Variants in SKIC3 observed in about 807,000 individuals in gnomAD.
The protein encoded by SKIC3 is superkiller complex protein 3.
chr5:95,498,036 G>A, the SKIC3 span, among the ~76,000 whole-genome samples: 1 of 151,972 alleles, frequency 6.6e-6, no homozygotes, highest in Admixed American at 6.6e-5. Flanking sequence ...TCTTTAAACG[G>A]CTGAAAATTA....
chr5:95,541,703 A>G, the SKIC3 span: 2,788 of 803,034 alleles, frequency 3.5e-3, 61 homozygotes, highest in African/African-American at 0.04. Flanking sequence ...TTGAAAAAAA[A>G]AAAAAGCTTC....
the SKIC3 span, chr5:95,529,158 C>T: frequency 5.6e-6 from 8 of 1,440,112 alleles, no homozygotes; most frequent in Admixed American, 3.4e-5. Flanking sequence ...CATAGATGAA[C>T]AGCACCAATG....
At chr5:95,542,273 A>G in the SKIC3 span, among the ~76,000 whole-genome samples, 1 of 152,152 alleles carries the variant, frequency 6.6e-6, no homozygotes, top group Non-Finnish European at 1.5e-5. Flanking sequence ...CATGTGATCT[A>G]AAGTATTTTA....
the SKIC3 span, chr5:95,523,811 C>A: frequency 6.2e-7 from 1 of 1,613,292 alleles, no homozygotes; most frequent in Non-Finnish European, 8.5e-7. Context: ...AAACTTTGCC[C>A]ATATATGTAT....
the SKIC3 span, chr5:95,523,730 T>A: frequency 6.2e-7 from 1 of 1,613,750 alleles, no homozygotes; most frequent in Non-Finnish European, 8.5e-7. Context: ...ATTCAAAGGC[T>A]TTCCTATAAC....
chr5:95,535,961 G>C, the SKIC3 span, among the ~76,000 whole-genome samples: 1 of 152,050 alleles, frequency 6.6e-6, no homozygotes, highest in Non-Finnish European at 1.5e-5. Context: ...CACCTCAAGA[G>C]AGTAGGGCAT....
the SKIC3 span, among the ~76,000 whole-genome samples, chr5:95,479,730 T>G: frequency 2.0e-5 from 3 of 150,940 alleles, no homozygotes; most frequent in Non-Finnish European, 3.0e-5. Flanking sequence ...TCATTACTAT[T>G]TGCGGTTTCA....
chr5:95,499,371 T>G, the SKIC3 span, among the ~76,000 whole-genome samples: 26,852 of 152,118 alleles, frequency 0.18, 2,708 homozygotes, highest in East Asian at 0.34. Flanking sequence ...ATGTAAAACA[T>G]GCCTGCTTCC....
At chr5:95,514,731 GCA>G in the SKIC3 span, 4 of 903,972 alleles carry the variant, frequency 4.4e-6, no homozygotes, top group African/African-American at 6.7e-5. Flanking sequence ...AAAGAGCTAA[GCA>G]CAGTGACTGG....
chr5:95,493,255 T>C, the SKIC3 span, among the ~76,000 whole-genome samples: 5 of 152,206 alleles, frequency 3.3e-5, no homozygotes, highest in Non-Finnish European at 1.5e-5. Context: ...AAACAGGCAC[T>C]CATCTTTGCC....
chr5:95,470,867 T>C, the SKIC3 span, among the ~76,000 whole-genome samples: 7 of 152,110 alleles, frequency 4.6e-5, no homozygotes, highest in African/African-American at 1.2e-4. Flanking sequence ...ATGAACACTT[T>C]ACTGAATTAT....
chr5:95,464,352 G>A, the SKIC3 span: 1 of 426,728 alleles, frequency 2.3e-6, no homozygotes. Flanking sequence ...TACAAATAAT[G>A]TTAAGCAACC....
chr5:95,504,772 A>G, the SKIC3 span, among the ~76,000 whole-genome samples: 4 of 151,994 alleles, frequency 2.6e-5, no homozygotes, highest in Non-Finnish European at 4.4e-5. Flanking sequence ...AGGCCAAGAC[A>G]GGGGCATCAC....
the SKIC3 span, chr5:95,469,786 C>T: frequency 3.1e-6 from 5 of 1,613,848 alleles, no homozygotes; most frequent in Admixed American, 5.0e-5. Flanking sequence ...ATACCTTGCC[C>T]CCATTTTGCG....
chr5:95,507,127 GTTACAATAGC>G, the SKIC3 span: 3 of 876,694 alleles, frequency 3.4e-6, no homozygotes, highest in Non-Finnish European at 5.5e-6. Flanking sequence ...TTTGGTGCTA[GTTACAATAGC>G]TTATTCATAT....
the SKIC3 span, among the ~76,000 whole-genome samples, chr5:95,517,641 T>C: frequency 8.4e-4 from 128 of 152,274 alleles, 1 homozygote; most frequent in Middle Eastern, 3.4e-3. Flanking sequence ...AATATTAAAA[T>C]GTTAAAACTA....
chr5:95,467,595 C>T, the SKIC3 span, among the ~76,000 whole-genome samples: 1 of 152,030 alleles, frequency 6.6e-6, no homozygotes, highest in African/African-American at 2.4e-5. Context: ...GTTCTAATAT[C>T]GAAAGGAGAA....
At chr5:95,521,102 T>G in the SKIC3 span, among the ~76,000 whole-genome samples, 1 of 152,050 alleles carries the variant, frequency 6.6e-6, no homozygotes, top group Non-Finnish European at 1.5e-5. Flanking sequence ...GCTAAAACTT[T>G]GGCTACAAAA....
At chr5:95,544,875 T>G in the SKIC3 span, among the ~76,000 whole-genome samples, 24 of 152,182 alleles carry the variant, frequency 1.6e-4, no homozygotes, top group Admixed American at 1.5e-3. Flanking sequence ...TGGAGAAGGC[T>G]TCCCTGAAGG....
Sources: allele counts gnomAD v4.1 joint callset (sites outside exome capture counted in the v4.1 genomes callset), GRCh38; gene constraint gnomAD v4.1.1; transcripts MANE v1.5; gene names NCBI Gene and HGNC (gene_info 2026-07-23, HGNC 2026-07-21).